The following HYAL4 variants were observed in gnomAD, a reference collection of about 807,000 sequenced individuals.
HYAL4 encodes the protein hyaluronidase 4.
HYAL4 carries 37 observed loss-of-function variants against 35.2 expected under a neutral mutation model. That is an observed-to-expected ratio of 1.05 (90% CI 0.81 to 1.38). The LOEUF is 1.38. Among genes scored for constraint, HYAL4 ranks in the 40% most tolerant of loss-of-function variants. The pLI, the probability that HYAL4 is intolerant of heterozygous loss-of-function variation, is 0.00. For missense variants in HYAL4, 572 were observed against 572.4 expected, an observed-to-expected ratio of 1.00 and a Z score of 0.01; for synonymous variants, 198 against 203.2, an observed-to-expected ratio of 0.97 and a Z score of 0.22.
intron 3 of HYAL4, among the ~76,000 whole-genome samples, chr7:123,873,050 T>A (rs1375624850): frequency 6.6e-6 from 1 of 152,224 alleles, no homozygotes; most frequent in African/African-American, 2.4e-5. Flanking sequence ...TGTGACTATA[T>A]GACACCATTT....
chr7:123,860,078 T>C (rs975078295), intron 2 of HYAL4, among the ~76,000 whole-genome samples: 1 of 152,198 alleles, frequency 6.6e-6, no homozygotes, highest in Admixed American at 6.6e-5. Context: ...GCTGTTCTCC[T>C]GATAATGCAT....
intron 1 of HYAL4, among the ~76,000 whole-genome samples, chr7:123,830,012 G>T (rs1244474935): frequency 6.6e-6 from 1 of 152,152 alleles, no homozygotes; most frequent in Non-Finnish European, 1.5e-5. Context: ...GTCACAAATA[G>T]ATCCGAGGAA....
intron 3 of HYAL4, among the ~76,000 whole-genome samples, 197 bp from the exon 4 acceptor site, chr7:123,874,564 G>A (rs1475577253): frequency 1.3e-5 from 2 of 152,074 alleles, no homozygotes; most frequent in Non-Finnish European, 2.9e-5. Flanking sequence ...CACCACGCCT[G>A]GCTAATTTTT....
At chr7:123,842,911 C>T (rs950353944), upstream of HYAL4, among the ~76,000 whole-genome samples, 2 of 151,924 alleles carry the variant, frequency 1.3e-5, no homozygotes, top group African/African-American at 4.8e-5. Flanking sequence ...TGAGATGGGT[C>T]TCCTGAATAC....
intron 3 of HYAL4, among the ~76,000 whole-genome samples, chr7:123,873,722 G>A (rs964403857): frequency 3.9e-5 from 6 of 152,022 alleles, no homozygotes; most frequent in African/African-American, 1.2e-4. Context: ...TCCAGAAAAC[G>A]GCCTAGATCC....
At chr7:123,802,332 G>A in the HYAL4 span, among the ~76,000 whole-genome samples, 6 of 152,104 alleles carry the variant, frequency 3.9e-5, no homozygotes, top group African/African-American at 1.4e-4. Flanking sequence ...TCTTCAGATA[G>A]AATGCTCTTT....
At chr7:123,772,857 T>C in the HYAL4 span, among the ~76,000 whole-genome samples, 1 of 152,194 alleles carries the variant, frequency 6.6e-6, no homozygotes, top group Non-Finnish European at 1.5e-5. Context: ...CAGAGGGCCA[T>C]CCACCAAGTG....
chr7:123,866,402 A>ACAGTCATAGACCAATACCAACCCT (rs1163361444), intron 2 of HYAL4, among the ~76,000 whole-genome samples: 1 of 152,210 alleles, frequency 6.6e-6, no homozygotes, highest in African/African-American at 2.4e-5. Flanking sequence ...TGGACTGACG[A>ACAGTCATAGACCAATACCAACCCT]CAGTCATAGA....
At chr7:123,876,026 G>A (rs190851399) in intron 4 of HYAL4, 1 of 456,656 alleles carries the variant, frequency 2.2e-6, no homozygotes, top group African/African-American at 2.0e-5. Context: ...GACTTTCCAG[G>A]TGTGATATTT....
the HYAL4 span, among the ~76,000 whole-genome samples, chr7:123,781,492 G>A: frequency 6.9e-6 from 1 of 145,720 alleles, no homozygotes; most frequent in Non-Finnish European, 1.5e-5. Flanking sequence ...TGGTTCCCCG[G>A]TTCCCCTTAT....
the HYAL4 span, among the ~76,000 whole-genome samples, chr7:123,802,414 A>G: frequency 6.6e-6 from 1 of 151,984 alleles, no homozygotes; most frequent in Non-Finnish European, 1.5e-5. Flanking sequence ...CCTCTGTTCA[A>G]CTTTTAATAA....
intron 3 of HYAL4, among the ~76,000 whole-genome samples, chr7:123,873,606 T>A (rs559156934): frequency 6.6e-6 from 1 of 152,168 alleles, no homozygotes; most frequent in African/African-American, 2.4e-5. Flanking sequence ...AAATTCACCC[T>A]TGGAGTAAAA....
the HYAL4 span, among the ~76,000 whole-genome samples, chr7:123,794,061 G>A: frequency 6.6e-6 from 1 of 152,208 alleles, no homozygotes; most frequent in Non-Finnish European, 1.5e-5. Context: ...ACAAAGTCCA[G>A]GCTGAGGTGG....
At chr7:123,847,408 C>T (rs892169392) in intron 1 of HYAL4, among the ~76,000 whole-genome samples, 2 of 152,138 alleles carry the variant, frequency 1.3e-5, no homozygotes, top group African/African-American at 4.8e-5. Flanking sequence ...TGTATTTACT[C>T]AGGATGATAC....
the HYAL4 span, among the ~76,000 whole-genome samples, chr7:123,805,718 ACTG>A: frequency 6.6e-6 from 1 of 152,166 alleles, no homozygotes; most frequent in Non-Finnish European, 1.5e-5. Context: ...CTCAAAATCC[ACTG>A]TACTAATTGT....
At chr7:123,876,341 G>C (rs1807023430) in intron 4 of HYAL4, among the ~76,000 whole-genome samples, 1 of 152,220 alleles carries the variant, frequency 6.6e-6, no homozygotes, top group Non-Finnish European at 1.5e-5. Context: ...CTGAATGGTA[G>C]CTGAGGGCAG....
chr7:123,869,261 C>T, intron 3 of HYAL4, 34 bp downstream of exon 3: 3 of 1,340,276 alleles, frequency 2.2e-6, no homozygotes, highest in Non-Finnish European at 3.1e-6. Flanking sequence ...TGGGGGATTT[C>T]CTCCTTATCT....
the HYAL4 span, among the ~76,000 whole-genome samples, chr7:123,811,598 CTT>C: frequency 6.6e-6 from 1 of 152,074 alleles, no homozygotes; most frequent in African/African-American, 2.4e-5. Flanking sequence ...TTAGATATGT[CTT>C]TTGCAAATAT....
At chr7:123,807,432 G>GTTTTTTTTTTTTTTTTTTT in the HYAL4 span, among the ~76,000 whole-genome samples, 3 of 120,802 alleles carry the variant, frequency 2.5e-5, no homozygotes, top group Non-Finnish European at 3.5e-5. Context: ...ACTTTTTATG[G>GTTTTTTTTTTTTTTTTTTT]TTTTTTTTTT....
Sources: allele counts gnomAD v4.1 joint callset (sites outside exome capture counted in the v4.1 genomes callset), GRCh38; gene constraint gnomAD v4.1.1; transcripts MANE v1.5; gene names NCBI Gene and HGNC (gene_info 2026-07-23, HGNC 2026-07-21).